Variants in IPO11 observed in about 807,000 individuals in gnomAD.
IPO11 encodes the protein importin-11.
IPO11 carries 66 observed loss-of-function variants against 143.2 expected under a neutral mutation model. That is an observed-to-expected ratio of 0.46 (90% confidence interval 0.38 to 0.57). IPO11 has a LOEUF of 0.57. IPO11 is among the 20% of genes least tolerant of loss of function. IPO11 has a pLI of 0.00. For synonymous variants in IPO11, 385 were observed against 377.8 expected, an observed-to-expected ratio of 1.02 and a Z score of -0.22; for missense variants, 1,026 against 1,141.0, an observed-to-expected ratio of 0.90 and a Z score of 1.45.
chr5:62,513,730 G>T (rs1741883849), intron 19 of IPO11, among the ~76,000 whole-genome samples: 1 of 147,332 alleles, frequency 6.8e-6, no homozygotes, highest in Non-Finnish European at 1.5e-5. Context: ...CCGGGTGGGG[G>T]GCTGACCCCC....
At chr5:62,573,004 A>C (rs1018346067) in intron 27 of IPO11, among the ~76,000 whole-genome samples, 1 of 152,062 alleles carries the variant, frequency 6.6e-6, no homozygotes, top group African/African-American at 2.4e-5. Context: ...ATACGAACAA[A>C]ATTTTATATA....
chr5:62,429,258 T>A (rs999295788), intron 1 of IPO11, among the ~76,000 whole-genome samples: 6 of 152,182 alleles, frequency 3.9e-5, no homozygotes, highest in African/African-American at 1.2e-4. Context: ...TAAATGGGAA[T>A]CATGCAGCTT....
At chr5:62,621,552 T>G (rs895664702) in intron 29 of IPO11, among the ~76,000 whole-genome samples, 1 of 152,138 alleles carries the variant, frequency 6.6e-6, no homozygotes, top group African/African-American at 2.4e-5. Flanking sequence ...TCAGGCTGTT[T>G]TAGGCTTGAA....
chr5:62,443,404 TGTGTGTGTGTGTGTGTGC>T (rs1002610827), intron 3 of IPO11: 1 of 179,216 alleles, frequency 5.6e-6, no homozygotes, highest in Non-Finnish European at 1.1e-5. Context: ...TGTGTGTGTG[TGTGTGTGTGTGTGTGTGC>T]GTGTGTGCGT....
At chr5:62,462,492 A>G (rs1190282133) in intron 5 of IPO11, among the ~76,000 whole-genome samples, 3 of 152,130 alleles carry the variant, frequency 2.0e-5, no homozygotes, top group Non-Finnish European at 4.4e-5. Context: ...CCTGAAAAAA[A>G]AAAAAGAACA....
At chr5:62,489,247 A>T (rs577625732) in intron 13 of IPO11, 55 bp from the exon 14 acceptor site, 87 of 1,058,612 alleles carry the variant, frequency 8.2e-5, no homozygotes, top group Non-Finnish European at 1.1e-4. Context: ...TAAATTTTTT[A>T]AAAAACTAGT....
chr5:62,598,907 T>G (rs1002341102), intron 28 of IPO11, among the ~76,000 whole-genome samples: 2 of 152,010 alleles, frequency 1.3e-5, no homozygotes, highest in African/African-American at 4.8e-5. Flanking sequence ...AAAAAATCAT[T>G]ATTAAACAAT....
intron 12 of IPO11, among the ~76,000 whole-genome samples, chr5:62,487,040 TAA>T (rs548837169): frequency 6.6e-6 from 1 of 152,144 alleles, no homozygotes; most frequent in African/African-American, 2.4e-5. Context: ...AAAATTATTT[TAA>T]AAAATTTTTT....
intron 26 of IPO11, among the ~76,000 whole-genome samples, chr5:62,559,733 ATGGTGAAACCCTGTCTCTAC>A (rs1221113848): frequency 2.6e-5 from 4 of 151,922 alleles, no homozygotes; most frequent in African/African-American, 9.7e-5. Context: ...CCTGGCCAAT[ATGGTGAAACCCTGTCTCTAC>A]TAAAAATACA....
intron 13 of IPO11, among the ~76,000 whole-genome samples, chr5:62,488,432 T>C (rs1490214858): frequency 3.3e-5 from 5 of 152,236 alleles, no homozygotes; most frequent in Non-Finnish European, 7.3e-5. Context: ...TGTTACTTGA[T>C]TGACTTTTAG....
chr5:62,438,620 C>T (rs985469238), intron 2 of IPO11, among the ~76,000 whole-genome samples: 5 of 151,952 alleles, frequency 3.3e-5, no homozygotes, highest in South Asian at 2.1e-4. Context: ...GGTGTGGTGG[C>T]GCACGCCTGT....
chr5:62,585,380 T>A (rs1164324788), intron 27 of IPO11, among the ~76,000 whole-genome samples: 2 of 152,168 alleles, frequency 1.3e-5, no homozygotes, highest in Admixed American at 1.3e-4. Flanking sequence ...TTTGTAGTCT[T>A]ATTATAAATG....
chr5:62,467,439 C>T (rs188629505), intron 6 of IPO11, among the ~76,000 whole-genome samples, 176 bp downstream of exon 6: 1 of 140,310 alleles, frequency 7.1e-6, no homozygotes, highest in East Asian at 2.0e-4. Flanking sequence ...TCCTCTACCC[C>T]TTCTGATTTT....
intron 5 of IPO11, among the ~76,000 whole-genome samples, chr5:62,460,328 T>C (rs1328002559): frequency 1.3e-5 from 2 of 152,158 alleles, no homozygotes; most frequent in Non-Finnish European, 2.9e-5. Flanking sequence ...AAAAATGCCA[T>C]TGACTTGTTA....
At chr5:62,621,146 CAG>C (rs1746350743) in intron 29 of IPO11, among the ~76,000 whole-genome samples, 1 of 152,096 alleles carries the variant, frequency 6.6e-6, no homozygotes, top group African/African-American at 2.4e-5. Flanking sequence ...GTCTGTTACG[CAG>C]AGTTTCTAGC....
intron 1 of IPO11, chr5:62,418,918 G>T: frequency 7.1e-7 from 1 of 1,413,984 alleles, no homozygotes. Flanking sequence ...GGTCATAGAA[G>T]ATACAGTCAC....
At chr5:62,421,445 C>A (rs2112097082) in intron 1 of IPO11, among the ~76,000 whole-genome samples, 1 of 152,260 alleles carries the variant, frequency 6.6e-6, no homozygotes, top group African/African-American at 2.4e-5. Flanking sequence ...GCTAAAAATT[C>A]CCAGTTAATT....
At chr5:62,471,762 G>T (rs1003594372) in intron 7 of IPO11, among the ~76,000 whole-genome samples, 1 of 151,908 alleles carries the variant, frequency 6.6e-6, no homozygotes, top group African/African-American at 2.4e-5. Flanking sequence ...TTTTAAAAAA[G>T]AGATATTAAT....
intron 20 of IPO11, among the ~76,000 whole-genome samples, chr5:62,518,864 T>G (rs1297342731): frequency 1.5e-4 from 23 of 152,224 alleles, no homozygotes. Flanking sequence ...ATTGAGAACC[T>G]GCAATGTGCA....
Sources: gnomAD v4.1 joint callset for allele counts (sites outside exome capture counted in the v4.1 genomes callset) on GRCh38, gnomAD v4.1.1 for gene constraint, MANE v1.5 for transcripts, NCBI Gene and HGNC (gene_info 2026-07-23, HGNC 2026-07-21) for gene names.